Variants in CHD1L observed in about 807,000 individuals in gnomAD.
The protein encoded by CHD1L is chromodomain helicase DNA binding protein 1 like, also known as ATP-dependent chromatin remodeler CHD1L.
CHD1L carries 118 observed loss-of-function variants against 115.9 expected under a neutral mutation model. The observed-to-expected ratio is 1.02, with a 90% CI of 0.88 to 1.19. The LOEUF is 1.19. CHD1L is among the 50% of genes most tolerant of loss of function. The pLI, the probability that CHD1L is intolerant of heterozygous loss-of-function variation, is 0.00. For synonymous variants in CHD1L, 411 were observed against 387.1 expected, an observed-to-expected ratio of 1.06 and a Z score of -0.72; for missense variants, 1,179 against 1,065.3, an observed-to-expected ratio of 1.11 and a Z score of -1.49.
chr1:147,284,341 ATGT>A lies in CHD1L; in HGVS notation c.1706-5_1706-3del. On this transcript the variant is annotated splice_region_variant and splice_polypyrimidine_tract_variant and intron_variant, in intron 15 of 22. Coordinates refer to ENST00000369258, the MANE Select transcript of CHD1L (RefSeq NM_004284.6). ...TCTAACATTTCTCTCTTTGTGTTTT[ATGT>A]TGTTAGAAAATCATATGTACTTATT... is the stretch of plus-strand genomic sequence containing the variant. 1 of 1,546,810 alleles carries A rather than the reference ATGT, an allele frequency of 6.5e-7. No individual in the cohort carries two copies. Among genetic ancestry groups the A allele is most frequent in the Non-Finnish European group, 8.8e-7 (1 of 1,142,684 alleles).
At chr1:147,273,983 C>G (rs782151426) in intron 12 of CHD1L, among the ~76,000 whole-genome samples, 1 of 152,148 alleles carries the variant, frequency 6.6e-6, no homozygotes, top group African/African-American at 2.4e-5. Context: ...TCTCACCCCT[C>G]GGTGAAGAGC....
Position 147,255,891 on chromosome 1 carries a change from G to A in CHD1L, c.426G>A (p.Gln142=), listed in dbSNP as rs1669956245. 9.9e-6 allele frequency: 16 copies of A among 1,613,710 alleles called. No homozygotes were observed. The highest frequency in any genetic ancestry group is 1.3e-5 in the African/African-American group (1 of 74,922). The stretch of plus-strand genomic sequence containing the variant: ...CCTGCCTTCAGCAAGACCTGAAACA[G>A]GAGTCACGTTTTCATGTGCTACTGA... ...ERACLQQDLK[Q]ESRFHVLLTT... Residue 142 remains glutamine, a synonymous_variant, in exon 4 of 23, where the codon CAG becomes CAA. Transcript: ENST00000369258.
chr1:147,262,379 C>T (rs910751619), intron 6 of CHD1L, among the ~76,000 whole-genome samples: 7 of 152,060 alleles, frequency 4.6e-5, no homozygotes, highest in African/African-American at 9.6e-5. Flanking sequence ...CACAAAAAAG[C>T]TTACAAAATA....
chr1:147,270,586 A>C (rs1186500197), intron 10 of CHD1L, among the ~76,000 whole-genome samples: 2 of 151,552 alleles, frequency 1.3e-5, no homozygotes, highest in African/African-American at 4.9e-5. Flanking sequence ...TTATTTTGCT[A>C]CTAAAATGAA....
At chr1:147,270,382 G>T (rs1675679959) in intron 10 of CHD1L, among the ~76,000 whole-genome samples, 1 of 152,030 alleles carries the variant, frequency 6.6e-6, no homozygotes, top group South Asian at 2.1e-4. Flanking sequence ...CTTACCCCTT[G>T]CTTCTCTAAA....
At chr1:147,291,751 G>T (rs1685619466) in intron 20 of CHD1L, among the ~76,000 whole-genome samples, 199 bp downstream of exon 20, 1 of 152,118 alleles carries the variant, frequency 6.6e-6, no homozygotes, top group Non-Finnish European at 1.5e-5. Flanking sequence ...CAAGATCAAG[G>T]TATCGGCAGG....
intron 19 of CHD1L, 62 bp from the exon 20 acceptor site, chr1:147,291,417 CGAG>C: frequency 7.5e-7 from 1 of 1,325,542 alleles, no homozygotes; most frequent in Non-Finnish European, 1.1e-6. Flanking sequence ...AGGCGAGATA[CGAG>C]GAGGATTCAT....
chr1:147,184,493 T>G, the CHD1L span: 8 of 1,529,816 alleles, frequency 5.2e-6, no homozygotes, highest in Non-Finnish European at 5.3e-6. This position sits in a 1 kb window ranked among gnomAD's most constrained non-coding sequence, Gnocchi z 4.4. Flanking sequence ...ATTTAGATGT[T>G]ATGTCTCCTT....
In CHD1L at chr1:147,261,131, CT is replaced by C. The variant is rs587737179; in HGVS notation, c.576+1214del. ...GCCCAGTCTCAAAGGTCGCTGTCCC[CT>C]GGTGGGGCCCCCTCTATCCCTGGTG... On this transcript the variant is annotated intron_variant, in intron 6 of 22. Transcript: ENST00000369258. Among the ~76,000 whole-genome samples, 114 of 152,316 alleles carry C rather than the reference CT, an allele frequency of 7.5e-4. 1 individual carries two copies. The highest frequency in any genetic ancestry group is 2.4e-3 in the African/African-American group (101 of 41,566).
At chr1:147,277,447 A>G (rs1307970854) in intron 14 of CHD1L, among the ~76,000 whole-genome samples, 4 of 152,166 alleles carry the variant, frequency 2.6e-5, no homozygotes, top group Non-Finnish European at 4.4e-5. Flanking sequence ...GTTGCAAAAG[A>G]CAGGGATCCT....
the CHD1L span, chr1:147,210,463 C>G: frequency 1.3e-5 from 2 of 152,146 alleles, no homozygotes; most frequent in African/African-American, 4.8e-5. Context: ...CTAAAATGAC[C>G]TGTCTACAGA....
At chr1:147,289,377 C>T (rs976639884) in intron 19 of CHD1L, among the ~76,000 whole-genome samples, 1 of 152,042 alleles carries the variant, frequency 6.6e-6, no homozygotes. Flanking sequence ...TTTTGAGGTA[C>T]AAGGGAGGAA....
At chr1:147,203,356 C>T in the CHD1L span, 42,527 of 1,330,256 alleles carry the variant, frequency 0.032, 1,034 homozygotes, top group South Asian at 0.09. Flanking sequence ...GATTACCTGA[C>T]CCACTCTAAG....
chr1:147,181,093 T>C, the CHD1L span, among the ~76,000 whole-genome samples: 5 of 152,206 alleles, frequency 3.3e-5, no homozygotes, highest in African/African-American at 7.2e-5. Context: ...AATAAACAAT[T>C]AAAATCAACT....
At position 147,242,723 on chromosome 1, in the gene CHD1L, C is replaced by A; in HGVS notation, c.20C>A (p.Thr7Asn). 7.9e-7 allele frequency: 1 copy of A among 1,258,390 alleles called. No individual in the cohort carries two copies. Among genetic ancestry groups the A allele is most frequent in the Non-Finnish European group, 1.0e-6 (1 of 996,896 alleles). 78.0% of individuals were successfully genotyped at this position (1,258,390 alleles called of 1,614,324 possible). A position where few individuals can be genotyped will look rare whatever the true frequency, so the allele number is the denominator to read the frequency against. ...GGCCCGATGGAGCGCGCGGGCGCTACTAGCCGCGGGGGCCAAGCCCCTGGC... is the reference window on the plus strand; with the variant it reads ...GGCCCGATGGAGCGCGCGGGCGCTAATAGCCGCGGGGGCCAAGCCCCTGGC... MERAGATSRGGQAPGFL... is the reference protein window; with the variant it reads MERAGANSRGGQAPGFL... The change falls in exon 1 of 23, where the codon ACT becomes AAT. Residue 7 changes from threonine (T) to asparagine (N), a missense_variant. Physicochemically the swap from Thr to Asn is moderately conservative, Grantham distance 65 (BLOSUM62 0). Coordinates refer to ENST00000369258, the MANE Select transcript of CHD1L (RefSeq NM_004284.6).
chr1:147,291,429 A>G lies in CHD1L; in HGVS notation c.2321-53A>G, dbSNP rs587759462. 4.9e-6 allele frequency: 7 copies of G among 1,421,628 alleles called. No individual in the cohort carries two copies. The East Asian group carries it at 1.4e-4, about 28-fold the overall frequency. The allele number at this position is 1,421,628 out of a possible 1,614,324, so 88.1% of individuals were successfully genotyped here. On this transcript the variant is annotated intron_variant, in intron 19 of 22. Transcript: ENST00000369258. ...AGAAGGCGAGATACGAGGAGGATTC[A>G]TTCATTAGTGAACTTGGTGTTCTTT...
the CHD1L span, among the ~76,000 whole-genome samples, chr1:147,214,541 T>C: frequency 6.6e-6 from 1 of 152,040 alleles, no homozygotes; most frequent in Admixed American, 6.5e-5. Flanking sequence ...TCTATCATGT[T>C]CTTTTACACA....
chr1:147,254,860 T>C lies in CHD1L; in HGVS notation c.241-10T>C, dbSNP rs368094743. The C allele has an allele frequency of 1.3e-6, 2 of 1,571,536 alleles. No individual in the cohort carries two copies. The highest frequency in any genetic ancestry group is 1.7e-6 in the Non-Finnish European group (2 of 1,161,104). On this transcript the variant is annotated splice_polypyrimidine_tract_variant and intron_variant, in intron 2 of 22. Transcript: ENST00000369258. Reference sequence around the variant, plus strand: ...GTGATCAAAACTGCCTTTCTTTTTCTGTGTTCCAGACTATTGCTCTCTTCA... The same window carrying C: ...GTGATCAAAACTGCCTTTCTTTTTCCGTGTTCCAGACTATTGCTCTCTTCA...
chr1:147,251,292 C>T (rs1212392870), intron 1 of CHD1L, among the ~76,000 whole-genome samples: 4 of 152,190 alleles, frequency 2.6e-5, no homozygotes, highest in Non-Finnish European at 5.9e-5. Context: ...ACCCTGCCTT[C>T]CGCAGGCCCA....
Sources: allele counts gnomAD v4.1 joint callset (sites outside exome capture counted in the v4.1 genomes callset), GRCh38; gene constraint gnomAD v4.1.1; non-coding constraint Gnocchi (gnomAD v3.1); transcripts MANE v1.5; gene names NCBI Gene and HGNC (gene_info 2026-07-23, HGNC 2026-07-21).